GABRG3: variants seen among roughly 807,000 people sequenced by gnomAD.
GABRG3 encodes gamma-aminobutyric acid receptor subunit gamma-3.
Under a neutral mutation model 48.8 loss-of-function variants are expected in GABRG3, and 25 were observed. The observed-to-expected ratio is 0.51, with a 90% CI of 0.37 to 0.72. The LOEUF (loss-of-function observed/expected upper bound fraction) is 0.72, where lower values mean the gene tolerates loss of function less well. Ranked by LOEUF, GABRG3 falls within the 30% of genes least tolerant of loss-of-function variation. GABRG3 has a pLI of 0.00. For missense variants in GABRG3, 394 were observed against 577.9 expected, an observed-to-expected ratio of 0.68 and a Z score of 3.26; for synonymous variants, 227 against 217.6, an observed-to-expected ratio of 1.04 and a Z score of -0.38.
At chr15:27,464,227 C>A (rs972518886) in intron 5 of GABRG3, among the ~76,000 whole-genome samples, 1 of 152,086 alleles carries the variant, frequency 6.6e-6, no homozygotes, top group Admixed American at 6.5e-5. Flanking sequence ...TGTCATCACC[C>A]CAAAATGAAA....
In GABRG3 at chr15:27,435,960, A is replaced by G. The variant is rs150522649; in HGVS notation, c.575-44690A>G. Among the ~76,000 whole-genome samples, 3 of 152,298 alleles carry G rather than the reference A, an allele frequency of 2.0e-5. No individual in the cohort carries two copies. In the East Asian group the frequency reaches 5.8e-4, roughly 29 times the overall value. On this transcript the variant is annotated intron_variant, in intron 5 of 9. Transcript: ENST00000615808. ...GAGAGGCCAGAGTGGTGTTACCAGT[A>G]CCAGGTGATGGGACTTTGTTCAACT...
At chr15:27,397,670 G>A (rs552923265) in intron 5 of GABRG3, among the ~76,000 whole-genome samples, 10 of 151,976 alleles carry the variant, frequency 6.6e-5, no homozygotes, top group East Asian at 3.9e-4. Context: ...CCAGCCTCCC[G>A]CTTCTGCTGA....
chr15:27,160,160 GA>G (rs1887125320), intron 3 of GABRG3, among the ~76,000 whole-genome samples: 1 of 152,102 alleles, frequency 6.6e-6, no homozygotes, highest in Admixed American at 6.6e-5. Flanking sequence ...TATTCTCCAG[GA>G]ATCTTCTGAG....
chr15:26,977,198 T>A, intron 2 of GABRG3, 48 bp downstream of exon 2: 1 of 1,564,182 alleles, frequency 6.4e-7, no homozygotes. Flanking sequence ...GCTGTAGTGA[T>A]ATGAAGTTTT....
chr15:27,287,999 A>T (rs763673214), intron 3 of GABRG3, among the ~76,000 whole-genome samples: 2 of 152,044 alleles, frequency 1.3e-5, no homozygotes, highest in Non-Finnish European at 2.9e-5. Context: ...GGCCTCCCAA[A>T]GTGCTGGGAT....
chr15:27,303,732 C>CTA (rs923968293), intron 3 of GABRG3, among the ~76,000 whole-genome samples: 14 of 150,266 alleles, frequency 9.3e-5, no homozygotes, highest in Admixed American at 2.0e-4. Context: ...TGTATATCCA[C>CTA]TATATATATA....
At chr15:27,186,153 A>G (rs1310651330) in intron 3 of GABRG3, among the ~76,000 whole-genome samples, 1 of 152,076 alleles carries the variant, frequency 6.6e-6, no homozygotes, top group African/African-American at 2.4e-5. Context: ...CCCAATAGAC[A>G]GCTTTTCAGA....
chr15:27,107,224 A>G (rs963881668), intron 3 of GABRG3, among the ~76,000 whole-genome samples: 1 of 151,984 alleles, frequency 6.6e-6, no homozygotes, highest in Non-Finnish European at 1.5e-5. Flanking sequence ...TATATTGAGA[A>G]TGTTTCCCTG....
At chr15:27,338,530 G>A (rs550831595) in intron 5 of GABRG3, among the ~76,000 whole-genome samples, 12 of 152,198 alleles carry the variant, frequency 7.9e-5, no homozygotes, top group Admixed American at 6.5e-5. Flanking sequence ...CACGGCACTC[G>A]CATCCTTCCA....
At chr15:27,470,244 C>T (rs1256221107) in intron 5 of GABRG3, among the ~76,000 whole-genome samples, 2 of 146,374 alleles carry the variant, frequency 1.4e-5, no homozygotes, top group African/African-American at 2.5e-5. Context: ...CTTTCTCTCT[C>T]TTTTTTTTTT....
intron 5 of GABRG3, among the ~76,000 whole-genome samples, chr15:27,436,261 CTCT>C (rs1366977802): frequency 6.6e-6 from 1 of 152,180 alleles, no homozygotes; most frequent in Non-Finnish European, 1.5e-5. Flanking sequence ...CTCTTTCTGT[CTCT>C]TCTTATAATA....
chr15:26,978,099 CTTT>C (rs1894986551), intron 2 of GABRG3, among the ~76,000 whole-genome samples: 1 of 152,054 alleles, frequency 6.6e-6, no homozygotes, highest in Non-Finnish European at 1.5e-5. Context: ...CTGAACTCTT[CTTT>C]TATTTTATTT....
chr15:27,485,657 AT>A (rs1470990359), intron 6 of GABRG3, among the ~76,000 whole-genome samples: 3 of 152,106 alleles, frequency 2.0e-5, no homozygotes, highest in East Asian at 1.9e-4. Context: ...AGGATAATAA[AT>A]TTTTTTATTA....
chr15:27,290,938 A>G (rs1891774962), intron 3 of GABRG3, among the ~76,000 whole-genome samples: 1 of 152,238 alleles, frequency 6.6e-6, no homozygotes, highest in Admixed American at 6.5e-5. Context: ...GTTTAGCACC[A>G]CTGCAATTTT....
chr15:27,279,141 G>A (rs1891350766), intron 3 of GABRG3, among the ~76,000 whole-genome samples: 1 of 152,098 alleles, frequency 6.6e-6, no homozygotes, highest in African/African-American at 2.4e-5. Flanking sequence ...TTTTTGTATA[G>A]TTGGGTTTTG....
intron 5 of GABRG3, among the ~76,000 whole-genome samples, chr15:27,436,414 G>T (rs930827666): frequency 2.0e-5 from 3 of 152,146 alleles, no homozygotes; most frequent in African/African-American, 7.2e-5. Flanking sequence ...TTCAGTCCAT[G>T]GCAAATGAGA....
intron 3 of GABRG3, among the ~76,000 whole-genome samples, chr15:27,102,148 A>G (rs1897372254): frequency 6.6e-6 from 1 of 152,220 alleles, no homozygotes; most frequent in Non-Finnish European, 1.5e-5. Flanking sequence ...TCTGTGTTTC[A>G]GCAAGGCCCG....
At chr15:27,162,563 T>A (rs1026069433) in intron 3 of GABRG3, among the ~76,000 whole-genome samples, 1 of 152,002 alleles carries the variant, frequency 6.6e-6, no homozygotes, top group Non-Finnish European at 1.5e-5. Flanking sequence ...CTGGCAGTAA[T>A]GGATATCAAT....
chr15:27,071,919 A>G lies in GABRG3; in HGVS notation c.270+45098A>G, dbSNP rs546371928. On this transcript the variant is annotated intron_variant, in intron 3 of 9. Transcript: ENST00000615808. ...TTCACAGTTGTGGGGATAAGAAAAA[A>G]CAGTCTCCACAGCTCCTCTCAGGCT... is the stretch of plus-strand genomic sequence containing the variant. Among the ~76,000 whole-genome samples, 21 of 152,310 alleles carry G rather than the reference A, an allele frequency of 1.4e-4. 1 individual carries two copies. The highest frequency in any genetic ancestry group is 3.4e-3 in the Middle Eastern group (1 of 294).
Sources: allele counts gnomAD v4.1 joint callset (sites outside exome capture counted in the v4.1 genomes callset), GRCh38; gene constraint gnomAD v4.1.1; transcripts MANE v1.5; gene names NCBI Gene and HGNC (gene_info 2026-07-23, HGNC 2026-07-21).